TNS1: variants seen among roughly 807,000 people sequenced by gnomAD.
TNS1 encodes the protein tensin-1.
Under a neutral mutation model 168.6 loss-of-function variants are expected in TNS1, and 62 were observed. That is an observed-to-expected ratio of 0.37 (90% CI 0.30 to 0.45). TNS1 has a LOEUF of 0.45. TNS1 is among the 20% of genes least tolerant of loss of function. The pLI, the probability that TNS1 is intolerant of heterozygous loss-of-function variation, is 1.00. For missense variants in TNS1, 2,240 were observed against 2,339.4 expected (o/e 0.96, Z 0.88); for synonymous variants, 934 against 933.2 (o/e 1.00, Z -0.02).
rs574736374 is a variant in TNS1, at chr2:217,920,257, G to A, written c.187-21C>T. On this transcript the variant is annotated intron_variant, in intron 3 of 32. Coordinates refer to ENST00000682258, the MANE Select transcript of TNS1 (RefSeq NM_001387777.1). ...GCCACCTGTGGAAGGAACAGAGAAC[G>A]GGCAGGTGAGCATATCTTGTCTCTA... 17 of 702,852 alleles carry A rather than the reference G, an allele frequency of 2.4e-5. No homozygotes were observed. In the East Asian group the frequency reaches 2.9e-4, roughly 12 times the overall value. The allele number at this position is 702,852 out of a possible 1,614,324, so 43.5% of individuals were successfully genotyped here. A position where few individuals can be genotyped will look rare whatever the true frequency, so the allele number is the denominator to read the frequency against.
At chr2:218,011,363 G>A (rs1261040633), upstream of TNS1, among the ~76,000 whole-genome samples, 1 of 152,166 alleles carries the variant, frequency 6.6e-6, no homozygotes, top group Non-Finnish European at 1.5e-5. Flanking sequence ...CGGAGAGCTG[G>A]AGGGGCACCC....
At chr2:217,853,825 C>CA in intron 18 of TNS1, among the ~76,000 whole-genome samples, 1 of 152,318 alleles carries the variant, frequency 6.6e-6, no homozygotes, top group East Asian at 1.9e-4. Flanking sequence ...GGTGTGCACC[C>CA]ACTCCCCGGG....
intron 1 of TNS1, among the ~76,000 whole-genome samples, chr2:218,008,495 C>T (rs1317886670): frequency 2.6e-5 from 4 of 152,378 alleles, no homozygotes; most frequent in East Asian, 3.9e-4. Flanking sequence ...GAAATCCAGA[C>T]TCCATGGCAT....
At chr2:218,000,012 T>G (rs961334859) in intron 1 of TNS1, among the ~76,000 whole-genome samples, 2 of 152,172 alleles carry the variant, frequency 1.3e-5, no homozygotes, top group Non-Finnish European at 2.9e-5. Flanking sequence ...TGAGTCCCTC[T>G]GGAAGGAAGG....
Position 217,886,037 on chromosome 2 carries a change from T to C in TNS1, c.1040+7A>G. 1 of 1,614,018 alleles carries C rather than the reference T, an allele frequency of 6.2e-7. No homozygotes were observed. On this transcript the variant is annotated splice_region_variant and intron_variant, in intron 14 of 32. Transcript: ENST00000682258. ...TCTCTGGCCTCTCACGCCCATGTAA[T>C]ACTTACTAGATGCCAGATGTGTACA...
intron 3 of TNS1, among the ~76,000 whole-genome samples, chr2:217,961,094 C>A (rs756371764): frequency 1.3e-5 from 2 of 152,078 alleles, no homozygotes; most frequent in African/African-American, 4.8e-5. Flanking sequence ...AAGCCACATA[C>A]TCCCTCTCCT....
chr2:217,924,010 G>A (rs1955875293), intron 3 of TNS1, among the ~76,000 whole-genome samples: 1 of 152,222 alleles, frequency 6.6e-6, no homozygotes, highest in African/African-American at 2.4e-5. Context: ...GCACTAGAGA[G>A]CAGCCAGCCC....
At chr2:217,936,481 G>A (rs1048370362) in intron 3 of TNS1, among the ~76,000 whole-genome samples, 2 of 152,072 alleles carry the variant, frequency 1.3e-5, no homozygotes, top group African/African-American at 4.8e-5. Context: ...AGCCCAGAGG[G>A]ATCAGGGAGA....
chr2:217,842,624 G>A (rs1946131487), intron 19 of TNS1, among the ~76,000 whole-genome samples: 1 of 152,136 alleles, frequency 6.6e-6, no homozygotes, highest in Non-Finnish European at 1.5e-5. Flanking sequence ...GGTCAATTCA[G>A]AACAAGTCAG....
At chr2:217,999,429 C>T (rs367672364) in intron 1 of TNS1, among the ~76,000 whole-genome samples, 2 of 152,376 alleles carry the variant, frequency 1.3e-5, no homozygotes. Flanking sequence ...GGTCACACAG[C>T]TGTCAAGTGA....
chr2:217,805,782 A>G (rs1159845358), intron 32 of TNS1, among the ~76,000 whole-genome samples: 3 of 142,420 alleles, frequency 2.1e-5, no homozygotes, highest in Admixed American at 2.1e-4. Flanking sequence ...ACACACACAT[A>G]CACCACACAC....
At chr2:217,873,260 GC>G (rs1949928977) in intron 18 of TNS1, among the ~76,000 whole-genome samples, 1 of 152,092 alleles carries the variant, frequency 6.6e-6, no homozygotes, top group Non-Finnish European at 1.5e-5. Context: ...AAACTATACC[GC>G]CATACACACC....
At chr2:217,934,465 T>C (rs1290926885) in intron 3 of TNS1, among the ~76,000 whole-genome samples, 10 of 152,164 alleles carry the variant, frequency 6.6e-5, no homozygotes, top group Admixed American at 6.5e-4. Flanking sequence ...GTGGAGACAC[T>C]GAGCCATTAC....
chr2:217,971,941 A>AG, intron 3 of TNS1, among the ~76,000 whole-genome samples: 1 of 152,252 alleles, frequency 6.6e-6, no homozygotes, highest in Non-Finnish European at 1.5e-5. Flanking sequence ...AGAGAAAAGA[A>AG]GGAAAAACAA....
In TNS1 at chr2:218,033,693, C is replaced by T. The variant is rs1013568019; in HGVS notation, c.156+127G>A. 3.3e-5 allele frequency among the ~76,000 whole-genome samples: 5 copies of T among 152,172 alleles called. No individual in the cohort carries two copies. Among genetic ancestry groups the T allele is most frequent in the African/African-American group, 1.2e-4 (5 of 41,442 alleles). ...CTCCCCCTTGGTCCACCTGCCTTGC[C>T]GCACTTCCCAAGCAGACTAGCACCG... On this transcript the variant is annotated intron_variant, in intron 1 of 1. Coordinates refer to the TNS1 transcript ENST00000649572. This position sits in a 1 kb window ranked among gnomAD's most constrained non-coding sequence, Gnocchi z 4.3.
intron 24 of TNS1, among the ~76,000 whole-genome samples, chr2:217,816,175 A>G (rs1399930166): frequency 3.3e-5 from 5 of 152,232 alleles, no homozygotes; most frequent in Admixed American, 6.5e-5. Context: ...GTTTAGGACC[A>G]GCTAAACTGT....
chr2:217,827,806 A>G (rs1046574236), intron 22 of TNS1, among the ~76,000 whole-genome samples: 3 of 152,326 alleles, frequency 2.0e-5, no homozygotes, highest in African/African-American at 7.2e-5. Flanking sequence ...GGGGCCCTGT[A>G]AGATGAGAGT....
At chr2:217,938,338 G>A (rs1009427892) in intron 3 of TNS1, among the ~76,000 whole-genome samples, 21 of 152,276 alleles carry the variant, frequency 1.4e-4, no homozygotes, top group Admixed American at 2.6e-4. Flanking sequence ...CAGGGGCACC[G>A]GAAAACAGGA....
At chr2:218,021,947 G>A (rs1177946465) in intron 1 of TNS1, among the ~76,000 whole-genome samples, 2 of 152,166 alleles carry the variant, frequency 1.3e-5, no homozygotes, top group Non-Finnish European at 2.9e-5. Context: ...AGTACCTCCA[G>A]AAGACCTCAG....
Sources: allele counts gnomAD v4.1 joint callset (sites outside exome capture counted in the v4.1 genomes callset), GRCh38; gene constraint gnomAD v4.1.1; non-coding constraint Gnocchi (gnomAD v3.1); transcripts MANE v1.5; gene names NCBI Gene and HGNC (gene_info 2026-07-23, HGNC 2026-07-21).